The following KIF19 variants were observed in gnomAD, a reference collection of about 807,000 sequenced individuals.
KIF19 encodes kinesin family member 19, also known as kinesin-like protein KIF19.
A neutral mutation model predicts 106.6 loss-of-function variants in KIF19; 98 were observed. The ratio of observed to expected loss-of-function variants is 0.92; its 90% CI spans 0.78 to 1.09. The LOEUF (loss-of-function observed/expected upper bound fraction) is 1.09, where lower values mean the gene tolerates loss of function less well. Among genes scored for constraint, KIF19 ranks in the 50% least tolerant of loss-of-function variants. The pLI is 0.00. For missense variants in KIF19, 1,373 were observed against 1,414.3 expected (o/e 0.97, Z 0.47); for synonymous variants, 516 against 584.2 (o/e 0.88, Z 1.68).
chr17:74,333,672 C>T lies in KIF19; in HGVS notation c.120+5167C>T, dbSNP rs1049531846. ...TTTATCAACTTCACTCCTTATGATACAACTTCATTAAGTGATACAACTTCA... is the reference window on the plus strand; with the variant it reads ...TTTATCAACTTCACTCCTTATGATATAACTTCATTAAGTGATACAACTTCA... On this transcript the variant is annotated intron_variant, in intron 2 of 19. Coordinates refer to ENST00000389916, the MANE Select transcript of KIF19 (RefSeq NM_153209.4). 5.3e-5 allele frequency among the ~76,000 whole-genome samples: 8 copies of T among 151,996 alleles called. No individual in the cohort carries two copies. In the South Asian group the frequency reaches 1.7e-3, roughly 32 times the overall value.
In KIF19 at chr17:74,339,597, G is replaced by A. The variant is rs566138892; in HGVS notation, c.121-2279G>A. Among the ~76,000 whole-genome samples the A allele has an allele frequency of 2.0e-5, 3 of 148,240 alleles. 1 individual carries two copies. Among genetic ancestry groups the A allele is most frequent in the Non-Finnish European group, 3.0e-5 (2 of 65,962 alleles). ...CTTCCCTCCCACTGAAAGAGGGGAC[G>A]CATGAGATGCCCATGCTGGCTGAGG... On this transcript the variant is annotated intron_variant, in intron 2 of 19. Transcript: ENST00000389916.
At chr17:74,332,890 C>A (rs906347049) in intron 2 of KIF19, among the ~76,000 whole-genome samples, 3 of 152,216 alleles carry the variant, frequency 2.0e-5, no homozygotes, top group African/African-American at 7.2e-5. Context: ...TGAAACTCTC[C>A]CTGGGCCTCT....
chr17:74,342,288 G>T (rs2054401446), intron 3 of KIF19, among the ~76,000 whole-genome samples: 1 of 152,228 alleles, frequency 6.6e-6, no homozygotes, highest in African/African-American at 2.4e-5. Context: ...GAGGACAGGG[G>T]CAGAGGGTGG....
At position 74,354,794 on chromosome 17, in the gene KIF19, A is replaced by C. The variant is rs755602317; in HGVS notation, c.2719A>C (p.Lys907Gln). Residue 907 changes from lysine to glutamine, a missense_variant, in exon 19 of 20, where the codon AAG becomes CAG. Physicochemically the swap from Lys to Gln is moderately conservative, Grantham distance 53 (BLOSUM62 1). Coordinates refer to ENST00000389916, the MANE Select transcript of KIF19 (RefSeq NM_153209.4). ...EVTGQGLSHPKTHLLGPHQAE... is the reference protein window; with the variant it reads ...EVTGQGLSHPQTHLLGPHQAE... ...TCAACCATCACAGCTCTCCCACCCC[A>C]AGACACACCTCCTGGGGCCCCATCA... 20 of 1,557,908 alleles carry C rather than the reference A, an allele frequency of 1.3e-5. No individual in the cohort carries two copies. Among genetic ancestry groups the C allele is most frequent in the Non-Finnish European group, 1.7e-5 (19 of 1,150,818 alleles).
intron 8 of KIF19, among the ~76,000 whole-genome samples, chr17:74,347,395 G>A (rs1395176766): frequency 6.6e-6 from 1 of 152,124 alleles, no homozygotes; most frequent in Non-Finnish European, 1.5e-5. Flanking sequence ...AAATTGCCCA[G>A]GCATGGTGGC....
chr17:74,354,424 A>T lies in KIF19; in HGVS notation c.2571A>T (p.Ala857=), dbSNP rs370376740. Residue 857 remains alanine (A), a synonymous_variant, in exon 18 of 20, where the codon GCA becomes GCT. Transcript: ENST00000389916. ...GCACGGGCGAGGCCCCGTCCCGGGC[A>T]GTCGGACATCATGGGGACGGCCCCA... ...SSSTGEAPSR[A]VGHHGDGPRP... is the part of the protein sequence containing the mutation. 5.0e-5 allele frequency: 80 copies of T among 1,611,328 alleles called. No individual in the cohort carries two copies. The African/African-American group carries it at 1.0e-3, about 21-fold the overall frequency.
At chr17:74,349,948 G>T (rs2054649480) in intron 10 of KIF19, among the ~76,000 whole-genome samples, 1 of 152,088 alleles carries the variant, frequency 6.6e-6, no homozygotes, top group South Asian at 2.1e-4. Context: ...ACAGGTGCCC[G>T]CCACCACACC....
At position 74,352,658 on chromosome 17, in the gene KIF19, A is replaced by ACTGGG. The variant is rs1170553476; in HGVS notation, c.1981-163_1981-162insCTGGG. 2.0e-5 allele frequency among the ~76,000 whole-genome samples: 3 copies of ACTGGG among 152,282 alleles called. No homozygotes were observed. In the East Asian group the frequency reaches 5.8e-4, roughly 29 times the overall value. ...GGCAGTGCCACTGGGGAAGCCTAGC[A>ACTGGG]GACCACAGCTTAACCCCGAGGACCC... On this transcript the variant is annotated intron_variant, in intron 14 of 19. Transcript: ENST00000389916.
In KIF19 at chr17:74,328,474, C is replaced by T. The variant is rs1258798844; in HGVS notation, c.89C>T (p.Ala30Val). The change falls in exon 2 of 20, where the codon GCT becomes GTT. Residue 30 changes from alanine (A) to valine (V), a missense_variant. Coordinates refer to ENST00000389916, the MANE Select transcript of KIF19 (RefSeq NM_153209.4). ...AGCGTGGCAGAGCTGGAGGAAGGAG[C>T]TACCCTCATCGCCCATAAAGTGGAT... ...PISVAELEEG[A>V]TLIAHKVDEQ... The T allele has an allele frequency of 6.2e-6, 10 of 1,610,474 alleles. No individual in the cohort carries two copies. The highest frequency in any genetic ancestry group is 3.3e-4 in the Middle Eastern group (2 of 6,040).
intron 14 of KIF19, 149 bp downstream of exon 14, chr17:74,352,489 C>A: frequency 9.1e-7 from 1 of 1,093,592 alleles, no homozygotes; most frequent in Non-Finnish European, 1.3e-6. Flanking sequence ...TTACCCCACC[C>A]AAAGCCTTGT....
chr17:74,350,323 G>A (rs2054661493), intron 10 of KIF19, 78 bp from the exon 11 acceptor site: 6 of 1,364,520 alleles, frequency 4.4e-6, no homozygotes, highest in Non-Finnish European at 6.0e-6. Flanking sequence ...AAAAGGAGGG[G>A]AGGGGCCCAG....
At chr17:74,341,801 A>G (rs1233370014) in intron 2 of KIF19, 75 bp from the exon 3 acceptor site, 1 of 974,862 alleles carries the variant, frequency 1.0e-6, no homozygotes, top group East Asian at 2.4e-5. Context: ...AACTTTGTTA[A>G]CCTTCCTGAG....
intron 4 of KIF19, 100 bp downstream of exon 4, chr17:74,342,817 T>A: frequency 7.6e-7 from 1 of 1,307,568 alleles, no homozygotes. Flanking sequence ...GAATCCAGGA[T>A]GTGGTCGCTC....
At chr17:74,340,555 G>GCAGACACACACACACACACACACACA in intron 2 of KIF19, among the ~76,000 whole-genome samples, 1 of 148,210 alleles carries the variant, frequency 6.7e-6, no homozygotes, top group African/African-American at 2.5e-5. Flanking sequence ...ATGCGCGCGC[G>GCAGACACACACACACACACACACACA]TACACACACA....
At chr17:74,344,080 AGGGCTCTTCTGAGAAGAGCCT>A (rs2054459375) in intron 5 of KIF19, 122 bp from the exon 6 acceptor site, 1 of 715,204 alleles carries the variant, frequency 1.4e-6, no homozygotes, top group Admixed American at 3.1e-5. Context: ...CCTCCTAATC[AGGGCTCTTCTGAGAAGAGCCT>A]GGGCTCAGGA....
intron 2 of KIF19, among the ~76,000 whole-genome samples, chr17:74,335,600 GC>G (rs2054198961): frequency 6.6e-6 from 1 of 152,256 alleles, no homozygotes; most frequent in Non-Finnish European, 1.5e-5. Flanking sequence ...TAAGAGCAGG[GC>G]TGGGAGAGGA....
intron 17 of KIF19, 36 bp from the exon 18 acceptor site, chr17:74,354,126 G>A: frequency 1.3e-6 from 2 of 1,570,596 alleles, no homozygotes; most frequent in Non-Finnish European, 8.6e-7. Context: ...AGGTGGCCTT[G>A]ATCTCGGGTT....
At position 74,341,995 on chromosome 17, in the gene KIF19, G is replaced by T; in HGVS notation, c.231+9G>T. On this transcript the variant is annotated intron_variant, in intron 3 of 19. Transcript: ENST00000389916. ...ACTTCACCGCCACCCAGGTGAGGGAGGGCCTGGGCTGGAGACACGCAGGAG... is the reference window on the plus strand; with the variant it reads ...ACTTCACCGCCACCCAGGTGAGGGATGGCCTGGGCTGGAGACACGCAGGAG... 6.3e-7 allele frequency: 1 copy of T among 1,599,430 alleles called. No homozygotes were observed. Among genetic ancestry groups the T allele is most frequent in the Non-Finnish European group, 8.5e-7 (1 of 1,171,712 alleles).
chr17:74,330,025 T>A (rs1382229540), intron 2 of KIF19, among the ~76,000 whole-genome samples: 1 of 152,248 alleles, frequency 6.6e-6, no homozygotes, highest in Non-Finnish European at 1.5e-5. Flanking sequence ...CTCAAGCCTC[T>A]TTCTTCAGCA....
Sources: allele counts gnomAD v4.1 joint callset (sites outside exome capture counted in the v4.1 genomes callset), GRCh38; gene constraint gnomAD v4.1.1; transcripts MANE v1.5; gene names NCBI Gene and HGNC (gene_info 2026-07-23, HGNC 2026-07-21).